The following C19orf53 variants were observed in gnomAD, a reference collection of about 807,000 sequenced individuals.
The protein encoded by C19orf53 is chromosome 19 open reading frame 53, also known as leydig cell tumor 10 kDa protein homolog.
A neutral mutation model predicts 6.5 loss-of-function variants in C19orf53; 9 were observed. That is an observed-to-expected ratio of 1.38 (90% CI 0.83 to 2.40). The LOEUF (loss-of-function observed/expected upper bound fraction) is 2.40, where lower values mean the gene tolerates loss of function less well. Ranked by LOEUF, C19orf53 falls within the 30% of genes most tolerant of loss-of-function variation. The pLI, the probability that C19orf53 is intolerant of heterozygous loss-of-function variation, is 0.00. For synonymous variants in C19orf53, 68 were observed against 52.5 expected (o/e 1.29, Z -1.27); for missense variants, 166 against 129.7 (o/e 1.28, Z -1.36).
In C19orf53 at chr19:13,774,480, GGCGCAGGGGCA is replaced by G. The variant is rs1568314529; in HGVS notation, c.9_19del (p.Gly4ValfsTer10). On this transcript the variant is annotated frameshift_variant, in exon 1 of 3. Coordinates refer to ENST00000588234, the MANE Select transcript of C19orf53 (RefSeq NM_014047.3). LOFTEE classifies it high-confidence loss of function. ...CCTCTTCCGCTGCGTGCCGGACCAT[GGCGCAGGGGCA>G]GCGCAAGTTTCAGGCGCACAAACCC... 1 of 1,603,816 alleles carries G rather than the reference GGCGCAGGGGCA, an allele frequency of 6.2e-7. No individual in the cohort carries two copies. Among genetic ancestry groups the G allele is most frequent in the Non-Finnish European group, 8.5e-7 (1 of 1,175,554 alleles).
chr19:13,777,723 G>A (rs1974385172), intron 2 of C19orf53, among the ~76,000 whole-genome samples: 1 of 152,194 alleles, frequency 6.6e-6, no homozygotes, highest in Admixed American at 6.5e-5. Context: ...TAGAGGCTGG[G>A]ACCAGAGGCT....
chr19:13,777,006 C>T (rs549145050), intron 2 of C19orf53, among the ~76,000 whole-genome samples: 1 of 151,948 alleles, frequency 6.6e-6, no homozygotes, highest in East Asian at 2.0e-4. Flanking sequence ...GGCTGGAGTG[C>T]AGTGGTGCGG....
At position 13,774,811 on chromosome 19, in the gene C19orf53, G is replaced by C; in HGVS notation, c.153+104G>C. The C allele has an allele frequency of 3.5e-6, 5 of 1,426,178 alleles. No homozygotes were observed. The South Asian group carries it at 6.6e-5, about 19-fold the overall frequency. 88.3% of individuals were successfully genotyped at this position (1,426,178 alleles called of 1,614,324 possible). On this transcript the variant is annotated intron_variant, in intron 2 of 2. Transcript: ENST00000588234. ...GGTGGAGCCCGGGGATCAGTGAGGG[G>C]AGAGGGTGGATCCTGGGGACGAGCT...
In C19orf53 at chr19:13,774,703, A is replaced by C; in HGVS notation, c.149A>C (p.Lys50Thr). 1.2e-6 allele frequency: 2 copies of C among 1,605,852 alleles called. No individual in the cohort carries two copies. Among genetic ancestry groups the C allele is most frequent in the Non-Finnish European group, 8.5e-7 (1 of 1,173,604 alleles). ...KARVVQQQKLKKNLEVGIRKK... is the reference protein window; with the variant it reads ...KARVVQQQKLTKNLEVGIRKK... ...CGCGTCGTGCAGCAGCAAAAGCTCA[A>C]GAAGGTGTGCGGGGGCGAGAGATGG... Residue 50 changes from lysine (K) to threonine (T), a missense_variant, in exon 2 of 3, where the codon AAG becomes ACG. Lys to Thr is a moderately conservative substitution (Grantham distance 78, BLOSUM62 -1). Transcript: ENST00000588234.
intron 2 of C19orf53, 139 bp from the exon 3 acceptor site, chr19:13,777,913 C>T: frequency 9.1e-7 from 1 of 1,102,304 alleles, no homozygotes; most frequent in East Asian, 2.5e-5. Flanking sequence ...ACCCCAGCCA[C>T]CAGACCCACA....
chr19:13,774,751 G>T (rs369795433), intron 2 of C19orf53, 44 bp downstream of exon 2: 84 of 1,569,014 alleles, frequency 5.4e-5, no homozygotes, highest in Non-Finnish European at 6.8e-5. Flanking sequence ...GGCGAGTAGC[G>T]AGGGGTGGAA....
chr19:13,774,875 G>T lies in C19orf53; in HGVS notation c.153+168G>T, dbSNP rs947146541. 5.7e-6 allele frequency: 5 copies of T among 884,738 alleles called. No individual in the cohort carries two copies. The African/African-American group carries it at 6.8e-5, about 12-fold the overall frequency. The allele number at this position is 884,738 out of a possible 1,614,324, so 54.8% of individuals were successfully genotyped here. A position where few individuals can be genotyped will look rare whatever the true frequency, so the allele number is the denominator to read the frequency against. On this transcript the variant is annotated intron_variant, in intron 2 of 2. Transcript: ENST00000588234. ...TAGAGCCAGGGGCCGCGTTAGGAGC[G>T]AAGGATGGAGCCCGGGGCGCAGAGA... is the stretch of plus-strand genomic sequence containing the variant.
intron 2 of C19orf53, among the ~76,000 whole-genome samples, chr19:13,777,742 G>A (rs1233781491): frequency 6.6e-6 from 1 of 152,194 alleles, no homozygotes; most frequent in Non-Finnish European, 1.5e-5. Flanking sequence ...CTGTGGGCAC[G>A]CCGGATCCCA....
At chr19:13,774,610 A>C in intron 1 of C19orf53, 36 bp downstream of exon 1, 1 of 1,612,832 alleles carries the variant, frequency 6.2e-7, no homozygotes, top group South Asian at 1.1e-5. Flanking sequence ...GGCGAGGTGG[A>C]CCCCCGGCTT....
chr19:13,778,149 C>A lies in C19orf53; in HGVS notation c.251C>A (p.Ala84Asp), dbSNP rs758827455. 1.9e-6 allele frequency: 3 copies of A among 1,612,464 alleles called. No homozygotes were observed. The South Asian group carries it at 3.3e-5, about 18-fold the overall frequency. Reference protein sequence around the residue: ...PKKLALLKAPAKKKGAAAATS... With the variant: ...PKKLALLKAPDKKKGAAAATS... ...AAGCTGGCACTGCTGAAGGCCCCAGCCAAGAAGAAAGGGGCAGCTGCCGCC... is the reference window on the plus strand; with the variant it reads ...AAGCTGGCACTGCTGAAGGCCCCAGACAAGAAGAAAGGGGCAGCTGCCGCC... Residue 84 changes from alanine to aspartate, a missense_variant, in exon 3 of 3, where the codon GCC becomes GAC. Transcript: ENST00000588234.
At position 13,778,257 on chromosome 19, in the gene C19orf53, A is replaced by G; in HGVS notation, c.*59A>G. 1 of 1,491,894 alleles carries G rather than the reference A, an allele frequency of 6.7e-7. No homozygotes were observed. The highest frequency in any genetic ancestry group is 9.0e-7 in the Non-Finnish European group (1 of 1,117,052). The allele number at this position is 1,491,894 out of a possible 1,614,324, so 92.4% of individuals were successfully genotyped here. A position where few individuals can be genotyped will look rare whatever the true frequency, so the allele number is the denominator to read the frequency against. On this transcript the variant is annotated 3_prime_UTR_variant, in exon 3 of 3. Coordinates refer to ENST00000588234, the MANE Select transcript of C19orf53 (RefSeq NM_014047.3). The stretch of plus-strand genomic sequence containing the variant: ...CCCCTACCTCCATATGGGACCTTGC[A>G]AGTCATCCCACAGGCTGCACTGTCA...
At chr19:13,777,854 A>C (rs1323962233) in intron 2 of C19orf53, among the ~76,000 whole-genome samples, 198 bp from the exon 3 acceptor site, 8 of 152,252 alleles carry the variant, frequency 5.3e-5, no homozygotes, top group Non-Finnish European at 4.4e-5. Context: ...CAAGGTGCAG[A>C]AGTGAGGATT....
intron 2 of C19orf53, among the ~76,000 whole-genome samples, chr19:13,777,432 C>T (rs1219145771): frequency 6.6e-6 from 1 of 152,146 alleles, no homozygotes. Context: ...CGCTGTGTTG[C>T]CCAGGCTGGT....
chr19:13,777,549 C>T (rs569558623), intron 2 of C19orf53, among the ~76,000 whole-genome samples: 16 of 152,294 alleles, frequency 1.1e-4, no homozygotes, highest in Admixed American at 9.8e-4. Context: ...AATGGCAGGG[C>T]AGAGGCAGTC....
chr19:13,776,124 A>ATTTTTT (rs57201742), intron 2 of C19orf53, among the ~76,000 whole-genome samples: 1 of 84,920 alleles, frequency 1.2e-5, no homozygotes, highest in Non-Finnish European at 2.2e-5. Flanking sequence ...CACCGGGCTA[A>ATTTTTT]TTTTTTTTTT....
At position 13,778,452 on chromosome 19, in the gene C19orf53, C is replaced by T. The variant is rs1599564069; in HGVS notation, c.*254C>T. 2.9e-5 allele frequency: 10 copies of T among 350,572 alleles called. No homozygotes were observed. In the East Asian group the frequency reaches 4.8e-4, roughly 17 times the overall value. 21.7% of individuals were successfully genotyped at this position (350,572 alleles called of 1,614,324 possible). On this transcript the variant is annotated 3_prime_UTR_variant, in exon 3 of 3. Coordinates refer to ENST00000588234, the MANE Select transcript of C19orf53 (RefSeq NM_014047.3). ...GTTTAACCCAGAACAATAAACCTGGCTTTGTCATCCCTCTTGCAGTCCTGT... is the reference window on the plus strand; with the variant it reads ...GTTTAACCCAGAACAATAAACCTGGTTTTGTCATCCCTCTTGCAGTCCTGT...
intron 2 of C19orf53, among the ~76,000 whole-genome samples, chr19:13,776,013 G>T (rs577552555): frequency 9.9e-5 from 15 of 151,724 alleles, no homozygotes; most frequent in Admixed American, 4.6e-4. Context: ...CTGGAGTGCA[G>T]TTGAGTGATC....
Position 13,774,709 on chromosome 19 carries a change from T to G in C19orf53, c.153+2T>G. Reference sequence around the variant, plus strand: ...GTGCAGCAGCAAAAGCTCAAGAAGGTGTGCGGGGGCGAGAGATGGAGCCCG... The same window carrying G: ...GTGCAGCAGCAAAAGCTCAAGAAGGGGTGCGGGGGCGAGAGATGGAGCCCG... On this transcript the variant is annotated splice_donor_variant, in intron 2 of 2. Coordinates refer to ENST00000588234, the MANE Select transcript of C19orf53 (RefSeq NM_014047.3). LOFTEE classifies it high-confidence loss of function. 2 of 1,593,686 alleles carry G rather than the reference T, an allele frequency of 1.3e-6. No homozygotes were observed. The highest frequency in any genetic ancestry group is 1.7e-6 in the Non-Finnish European group (2 of 1,166,044).
intron 2 of C19orf53, among the ~76,000 whole-genome samples, chr19:13,776,015 T>G (rs11671697): frequency 0.37 from 55,675 of 151,622 alleles, 11,803 homozygotes; most frequent in African/African-American, 0.57. Flanking sequence ...GGAGTGCAGT[T>G]GAGTGATCTT....
Sources: gnomAD v4.1 joint callset for allele counts (sites outside exome capture counted in the v4.1 genomes callset) on GRCh38, gnomAD v4.1.1 for gene constraint, MANE v1.5 for transcripts, NCBI Gene and HGNC (gene_info 2026-07-23, HGNC 2026-07-21) for gene names.